FOXK2: variants seen among roughly 807,000 people sequenced by gnomAD.
FOXK2 encodes the protein forkhead box K2.
A neutral mutation model predicts 53.3 loss-of-function variants in FOXK2; 24 were observed. That is an observed-to-expected ratio of 0.45 (90% CI 0.33 to 0.63). FOXK2 has a LOEUF of 0.63. Among genes scored for constraint, FOXK2 ranks in the 30% least tolerant of loss-of-function variants. The pLI is 0.03. For synonymous variants in FOXK2, 505 were observed against 407.1 expected (o/e 1.24, Z -2.89); for missense variants, 952 against 910.5 (o/e 1.05, Z -0.59).
intron 1 of FOXK2, among the ~76,000 whole-genome samples, chr17:82,555,730 A>C (rs936376248): frequency 6.8e-6 from 1 of 146,060 alleles, no homozygotes; most frequent in Non-Finnish European, 1.5e-5. Context: ...TAAAAATACA[A>C]AAAAAAAAAA....
rs750207625 is a variant in FOXK2, at chr17:82,582,953, A to G, written c.1103+19A>G. 1 of 1,519,758 alleles carries G rather than the reference A, an allele frequency of 6.6e-7. No individual in the cohort carries two copies. The highest frequency in any genetic ancestry group is 8.8e-7 in the Non-Finnish European group (1 of 1,136,614). 94.1% of individuals were successfully genotyped at this position (1,519,758 alleles called of 1,614,324 possible). A position where few individuals can be genotyped will look rare whatever the true frequency, so the allele number is the denominator to read the frequency against. ...CTTCTAGGTAAGGAAAAAGAAGAAC[A>G]AAAGGCCTCACTTCGTGCTTACTAA... On this transcript the variant is annotated intron_variant, in intron 5 of 8. Coordinates refer to ENST00000335255, the MANE Select transcript of FOXK2 (RefSeq NM_004514.4).
At chr17:82,586,401 C>CAGT (rs149999499) in intron 7 of FOXK2, among the ~76,000 whole-genome samples, 6 of 41,188 alleles carry the variant, frequency 1.5e-4, no homozygotes, top group African/African-American at 2.1e-4. Context: ...GAAAGGTGGG[C>CAGT]GGGGGGGAAA....
chr17:82,544,911 G>A (rs1214416206), intron 1 of FOXK2, among the ~76,000 whole-genome samples: 1 of 151,784 alleles, frequency 6.6e-6, no homozygotes, highest in Non-Finnish European at 1.5e-5. Flanking sequence ...TCCCGGGGGC[G>A]CACCCTCTCC....
At chr17:82,601,046 C>T (rs2045376845) in intron 8 of FOXK2, 1 of 455,900 alleles carries the variant, frequency 2.2e-6, no homozygotes, top group Non-Finnish European at 3.9e-6. Flanking sequence ...GTCCGCTAAT[C>T]AGGCAGTTCA....
At position 82,601,747 on chromosome 17, in the gene FOXK2, C is replaced by T. The variant is rs1190838888; in HGVS notation, c.*248C>T. On this transcript the variant is annotated 3_prime_UTR_variant, in exon 9 of 9. Transcript: ENST00000335255. ...AGCACCTGCTGGGCTGAGCTTCTAC[C>T]TACGAGTGAAACTCTGTCCTCCCGC... 2 of 420,912 alleles carry T rather than the reference C, an allele frequency of 4.8e-6. No homozygotes were observed. Among genetic ancestry groups the T allele is most frequent in the Non-Finnish European group, 8.7e-6 (2 of 231,062 alleles). The allele number at this position is 420,912 out of a possible 1,614,324, so 26.1% of individuals were successfully genotyped here. A position where few individuals can be genotyped will look rare whatever the true frequency, so the allele number is the denominator to read the frequency against.
intron 1 of FOXK2, among the ~76,000 whole-genome samples, chr17:82,535,662 T>C (rs2044512699): frequency 6.6e-6 from 1 of 152,204 alleles, no homozygotes; most frequent in African/African-American, 2.4e-5. Context: ...ATTTCTGTTT[T>C]GTTCCTTTTT....
chr17:82,576,331 C>T (rs2044985680), intron 4 of FOXK2, among the ~76,000 whole-genome samples: 2 of 152,210 alleles, frequency 1.3e-5, no homozygotes, highest in South Asian at 4.1e-4. Flanking sequence ...GAGTGCTGGA[C>T]ATGGGCTCGC....
intron 4 of FOXK2, among the ~76,000 whole-genome samples, chr17:82,579,879 C>G (rs2045036525): frequency 7.7e-6 from 1 of 129,158 alleles, no homozygotes; most frequent in African/African-American, 3.0e-5. Context: ...CCCACCTCTC[C>G]ATGTCGCCCA....
Position 82,597,087 on chromosome 17 carries a change from G to A in FOXK2, c.1787-4216G>A, listed in dbSNP as rs544828402. Among the ~76,000 whole-genome samples the A allele has an allele frequency of 3.9e-5, 6 of 152,186 alleles. 1 individual carries two copies. Among genetic ancestry groups the A allele is most frequent in the South Asian group, 4.1e-4 (2 of 4,834 alleles). On this transcript the variant is annotated intron_variant, in intron 8 of 8. Transcript: ENST00000335255. ...GGGCAGGGTCGCCTCCAGGCCCCAC[G>A]CGCTAAGCCGTGACTCCCTGTAACA...
chr17:82,527,094 G>A (rs939623283), intron 1 of FOXK2, among the ~76,000 whole-genome samples: 10 of 152,110 alleles, frequency 6.6e-5, no homozygotes, highest in Non-Finnish European at 1.5e-4. Context: ...GCTGAGCCTG[G>A]GACACAGGAG....
At chr17:82,557,959 C>T (rs532767677) in intron 1 of FOXK2, among the ~76,000 whole-genome samples, 1 of 152,294 alleles carries the variant, frequency 6.6e-6, no homozygotes, top group African/African-American at 2.4e-5. Flanking sequence ...GGCCCCTTTC[C>T]TCATTTTAAA....
At chr17:82,520,918 G>A (rs1036722339) in intron 1 of FOXK2, among the ~76,000 whole-genome samples, 9 of 152,168 alleles carry the variant, frequency 5.9e-5, no homozygotes, top group South Asian at 4.1e-4. Context: ...GGGAAAACTA[G>A]ATGCTTTTCG....
chr17:82,602,461 G>A lies in FOXK2; in HGVS notation c.*962G>A, dbSNP rs1266911191. 1.3e-5 allele frequency: 2 copies of A among 152,212 alleles called. No individual in the cohort carries two copies. Among genetic ancestry groups the A allele is most frequent in the Non-Finnish European group, 2.9e-5 (2 of 68,042 alleles). 9.4% of individuals were successfully genotyped at this position (152,212 alleles called of 1,614,324 possible). A position where few individuals can be genotyped will look rare whatever the true frequency, so the allele number is the denominator to read the frequency against. ...GAAAAAGATTCAGTCTTTTATCACA[G>A]GCCCTTTTGAAACTCAGATCCCAGG... On this transcript the variant is annotated 3_prime_UTR_variant, in exon 9 of 9. Coordinates refer to ENST00000335255, the MANE Select transcript of FOXK2 (RefSeq NM_004514.4).
intron 8 of FOXK2, chr17:82,587,549 G>A: frequency 2.2e-6 from 1 of 461,474 alleles, no homozygotes; most frequent in Non-Finnish European, 4.0e-6. Flanking sequence ...CCTGGGTGTG[G>A]CCTGGAAGCG....
intron 7 of FOXK2, among the ~76,000 whole-genome samples, chr17:82,586,610 G>C (rs929726497): frequency 2.6e-5 from 4 of 151,970 alleles, no homozygotes; most frequent in African/African-American, 9.7e-5. Flanking sequence ...CATAAGATTT[G>C]CTCATCCTTG....
intron 1 of FOXK2, among the ~76,000 whole-genome samples, chr17:82,524,045 C>T (rs932439894): frequency 1.3e-5 from 2 of 152,090 alleles, no homozygotes; most frequent in Admixed American, 6.6e-5. Context: ...AGGAGCCCAC[C>T]ACCAGGCCTG....
intron 1 of FOXK2, among the ~76,000 whole-genome samples, chr17:82,521,376 C>T (rs2144032093): frequency 6.7e-6 from 1 of 149,588 alleles, no homozygotes; most frequent in African/African-American, 2.5e-5. Flanking sequence ...GTTTCACCAT[C>T]TTGGCCAGGC....
Position 82,603,508 on chromosome 17 carries a change from C to T in FOXK2, c.*2009C>T, listed in dbSNP as rs2045410985. The T allele has an allele frequency of 6.6e-6, 1 of 152,168 alleles. No individual in the cohort carries two copies. The highest frequency in any genetic ancestry group is 2.4e-5 in the African/African-American group (1 of 41,426). 9.4% of individuals were successfully genotyped at this position (152,168 alleles called of 1,614,324 possible). On this transcript the variant is annotated 3_prime_UTR_variant, in exon 9 of 9. Transcript: ENST00000335255. ...GCTTGGCTGGGACACCAAGCAAATGCATCGTATGTCCCCTTGGAGACGTTT... is the reference window on the plus strand; with the variant it reads ...GCTTGGCTGGGACACCAAGCAAATGTATCGTATGTCCCCTTGGAGACGTTT...
chr17:82,563,697 C>A, intron 2 of FOXK2, 149 bp downstream of exon 2: 3 of 667,600 alleles, frequency 4.5e-6, no homozygotes, highest in Non-Finnish European at 7.0e-6. Flanking sequence ...CTCTGAATTT[C>A]CTGCATTATG....
Sources: allele counts gnomAD v4.1 joint callset (sites outside exome capture counted in the v4.1 genomes callset), GRCh38; gene constraint gnomAD v4.1.1; transcripts MANE v1.5; gene names NCBI Gene and HGNC (gene_info 2026-07-23, HGNC 2026-07-21).